Variants in MYOM1 observed in about 807,000 individuals in gnomAD.
MYOM1 encodes the protein myomesin-1.
A neutral mutation model predicts 205.3 loss-of-function variants in MYOM1; 164 were observed. The ratio of observed to expected loss-of-function variants is 0.80; its 90% CI spans 0.70 to 0.91. The LOEUF (loss-of-function observed/expected upper bound fraction) is 0.91, where lower values mean the gene tolerates loss of function less well. Ranked by LOEUF, MYOM1 falls within the 40% of genes least tolerant of loss-of-function variation. The probability of loss-of-function intolerance (pLI) is 0.00; values close to 1 mark genes in which losing one functional copy is unlikely to be tolerated. For missense variants in MYOM1, 2,011 were observed against 2,127.3 expected, an observed-to-expected ratio of 0.95 and a Z score of 1.08; for synonymous variants, 772 against 789.4, an observed-to-expected ratio of 0.98 and a Z score of 0.37.
At chr18:3,110,285 C>A (rs760616621) in intron 22 of MYOM1, among the ~76,000 whole-genome samples, 6 of 152,096 alleles carry the variant, frequency 3.9e-5, no homozygotes, top group Non-Finnish European at 7.3e-5. Context: ...AGAATAGAAG[C>A]AGAGGAAAGT....
intron 5 of MYOM1, among the ~76,000 whole-genome samples, chr18:3,183,498 A>G (rs1216773520): frequency 6.6e-6 from 1 of 152,026 alleles, no homozygotes; most frequent in Non-Finnish European, 1.5e-5. Flanking sequence ...TCCAGTGGAA[A>G]CTGGTTGGTT....
rs192114789 is a variant in MYOM1, at chr18:3,216,714, C to T, written c.-28-1463G>A. Among the ~76,000 whole-genome samples the T allele has an allele frequency of 1.9e-4, 29 of 152,186 alleles. 1 individual carries two copies. The East Asian group carries it at 4.4e-3, about 23-fold the overall frequency. On this transcript the variant is annotated intron_variant, in intron 1 of 37. Coordinates refer to ENST00000356443, the MANE Select transcript of MYOM1 (RefSeq NM_003803.4). ...GTCCTGTAGGTAGCAGTAAGGACTTCAGCTAATACTGTGAAAGGGCTGAGA... is the reference window on the plus strand; with the variant it reads ...GTCCTGTAGGTAGCAGTAAGGACTTTAGCTAATACTGTGAAAGGGCTGAGA...
In MYOM1 at chr18:3,209,966, T is replaced by C. The variant is rs2081171448; in HGVS notation, c.290+4968A>G. Among the ~76,000 whole-genome samples, 1 of 152,254 alleles carries C rather than the reference T, an allele frequency of 6.6e-6. No homozygotes were observed. The highest frequency in any genetic ancestry group is 2.4e-5 in the African/African-American group (1 of 41,474). Reference sequence around the variant, plus strand: ...GTGCTTAGCGCTCAGTAAATATTTATTGAATGAATGACTCATAATGCCTAA... The same window carrying C: ...GTGCTTAGCGCTCAGTAAATATTTACTGAATGAATGACTCATAATGCCTAA... On this transcript the variant is annotated intron_variant, in intron 2 of 37. Coordinates refer to ENST00000356443, the MANE Select transcript of MYOM1 (RefSeq NM_003803.4). This position sits in a 1 kb window ranked among gnomAD's most constrained non-coding sequence, Gnocchi z 4.0.
rs1362208000 is a variant in MYOM1, at chr18:3,075,773, A to G, written c.4649-12T>C. 6.4e-7 allele frequency: 1 copy of G among 1,574,696 alleles called. No homozygotes were observed. The highest frequency in any genetic ancestry group is 2.3e-5 in the East Asian group (1 of 43,172). On this transcript the variant is annotated splice_polypyrimidine_tract_variant and intron_variant, in intron 34 of 37. Transcript: ENST00000356443. ...GGCCTCATCGTATGCTTTAAAAGAA[A>G]AAAGAAAAGTTAGAATTTTCTCACC...
In MYOM1 at chr18:3,161,313, A is replaced by G. The variant is rs574284733; in HGVS notation, c.1501+2965T>C. Among the ~76,000 whole-genome samples, 28 of 152,296 alleles carry G rather than the reference A, an allele frequency of 1.8e-4. No individual in the cohort carries two copies. In the East Asian group the frequency reaches 5.0e-3, roughly 27 times the overall value. ...ATTCAGTGGTCATTTTTACTGTTCA[A>G]TGCCGATGTGGTGTGGCCTGCTAAC... On this transcript the variant is annotated intron_variant, in intron 10 of 37. Coordinates refer to ENST00000356443, the MANE Select transcript of MYOM1 (RefSeq NM_003803.4).
intron 12 of MYOM1, among the ~76,000 whole-genome samples, chr18:3,149,645 G>A (rs559848910): frequency 2.6e-5 from 4 of 152,032 alleles, no homozygotes; most frequent in East Asian, 3.9e-4. Context: ...CCGATCCTGC[G>A]GTAAAGCTCA....
intron 9 of MYOM1, among the ~76,000 whole-genome samples, chr18:3,166,446 T>TAG (rs1437636461): frequency 6.6e-6 from 1 of 151,496 alleles, no homozygotes; most frequent in Non-Finnish European, 1.5e-5. Flanking sequence ...AATTCTTTTT[T>TAG]TGTTTTGTTT....
chr18:3,244,036 G>T, the MYOM1 span, among the ~76,000 whole-genome samples: 1 of 152,092 alleles, frequency 6.6e-6, no homozygotes, highest in Non-Finnish European at 1.5e-5. Flanking sequence ...AATGATTAGT[G>T]CTGGGTTTTC....
At chr18:3,130,626 T>C (rs1451427954) in intron 17 of MYOM1, among the ~76,000 whole-genome samples, 2 of 152,038 alleles carry the variant, frequency 1.3e-5, no homozygotes, top group Non-Finnish European at 2.9e-5. Flanking sequence ...TAATTTTTTT[T>C]ATTGTTATTT....
chr18:3,204,255 T>A (rs2081104365), intron 2 of MYOM1, among the ~76,000 whole-genome samples: 1 of 151,994 alleles, frequency 6.6e-6, no homozygotes, highest in Non-Finnish European at 1.5e-5. Flanking sequence ...GTCTGGGTAA[T>A]TAACTTTTTA....
At chr18:3,185,330 G>A (rs573789749) in intron 5 of MYOM1, among the ~76,000 whole-genome samples, 1 of 152,136 alleles carries the variant, frequency 6.6e-6, no homozygotes, top group Non-Finnish European at 1.5e-5. Flanking sequence ...GTATCCTTTT[G>A]ATAATCATCT....
chr18:3,073,118 C>A (rs1481795810), intron 36 of MYOM1, among the ~76,000 whole-genome samples: 1 of 151,918 alleles, frequency 6.6e-6, no homozygotes. Flanking sequence ...TGGCCATAAG[C>A]TTTCCTTGAA....
At chr18:3,108,239 T>C (rs559367078) in intron 22 of MYOM1, among the ~76,000 whole-genome samples, 53 of 152,310 alleles carry the variant, frequency 3.5e-4, no homozygotes, top group African/African-American at 1.1e-3. Flanking sequence ...AATGCTGCAG[T>C]CGCAGTGGAT....
intron 10 of MYOM1, among the ~76,000 whole-genome samples, chr18:3,163,945 C>T (rs567162247): frequency 1.3e-5 from 2 of 151,958 alleles, no homozygotes; most frequent in East Asian, 1.9e-4. Context: ...CTTGACTTCT[C>T]GGGCTTGAGT....
chr18:3,166,263 CTT>C (rs765532198), intron 9 of MYOM1, among the ~76,000 whole-genome samples: 67 of 111,630 alleles, frequency 6.0e-4, no homozygotes, highest in African/African-American at 1.9e-3. Flanking sequence ...TATCTCAAGT[CTT>C]TTTTTTTTTT....
chr18:3,211,397 G>T (rs149249018), intron 2 of MYOM1, among the ~76,000 whole-genome samples: 1 of 152,124 alleles, frequency 6.6e-6, no homozygotes, highest in Admixed American at 6.5e-5. Context: ...TTGAAAATCC[G>T]ATGAAAACTA....
Position 3,124,671 on chromosome 18 carries a change from TG to T in MYOM1, c.2991+2029del, listed in dbSNP as rs374706399. On this transcript the variant is annotated intron_variant, in intron 19 of 37. Coordinates refer to ENST00000356443, the MANE Select transcript of MYOM1 (RefSeq NM_003803.4). ...TAATGCTGGGACAACTATGTCTCTG[TG>T]GGGGGGGGTTAATTTTGATGCTTAA... Among the ~76,000 whole-genome samples, 130 of 149,920 alleles carry T rather than the reference TG, an allele frequency of 8.7e-4. No homozygotes were observed. The South Asian group carries it at 0.014, about 16-fold the overall frequency.
At position 3,110,357 on chromosome 18, in the gene MYOM1, G is replaced by A. The variant is rs532968468; in HGVS notation, c.3418+1941C>T. Among the ~76,000 whole-genome samples the A allele has an allele frequency of 4.1e-4, 63 of 152,164 alleles. No homozygotes were observed. The South Asian group carries it at 0.011, about 27-fold the overall frequency. On this transcript the variant is annotated intron_variant, in intron 22 of 37. Transcript: ENST00000356443. ...CCCTGGGTTTCAGACGAGGACTGGC[G>A]GCTGACCATTCAGCCTCATGCCCAC...
intron 30 of MYOM1, 94 bp from the exon 31 acceptor site, chr18:3,085,226 CTGCTTTTTTTTTTTTTTTT>C: frequency 2.5e-5 from 5 of 203,002 alleles, no homozygotes; most frequent in South Asian, 1.2e-4. Context: ...TCTGCTGCTG[CTGCTTTTTTTTTTTTTTTT>C]TTTTTTTTTT....
Sources: gnomAD v4.1 joint callset for allele counts (sites outside exome capture counted in the v4.1 genomes callset) on GRCh38, gnomAD v4.1.1 for gene constraint, Gnocchi (gnomAD v3.1) non-coding constraint, MANE v1.5 for transcripts, NCBI Gene and HGNC (gene_info 2026-07-23, HGNC 2026-07-21) for gene names.